ZNF75D: variants seen among roughly 807,000 people sequenced by gnomAD.
The protein encoded by ZNF75D is zinc finger protein 75D.
A neutral mutation model predicts 33.3 loss-of-function variants in ZNF75D; 33 were observed. The observed-to-expected ratio is 0.99, with a 90% CI of 0.75 to 1.32. The LOEUF (loss-of-function observed/expected upper bound fraction) is 1.32. Ranked by LOEUF, ZNF75D falls within the 40% of genes most tolerant of loss-of-function variation. The probability of loss-of-function intolerance (pLI) is 0.00; values close to 1 mark genes in which losing one functional copy is unlikely to be tolerated. For missense variants in ZNF75D, 338 were observed against 367.5 expected, an observed-to-expected ratio of 0.92 and a Z score of 0.66; for synonymous variants, 113 against 130.6, an observed-to-expected ratio of 0.87 and a Z score of 0.92.
chrX:135,328,189 A>C (rs953907165), intron 1 of ZNF75D, among the ~76,000 whole-genome samples: 3 of 110,941 alleles, frequency 2.7e-5, no homozygotes, highest in African/African-American at 9.9e-5. Flanking sequence ...CTGGCTCCCC[A>C]CTCAGTCTCA....
chrX:135,295,894 G>T lies in ZNF75D; in HGVS notation c.-245C>A, dbSNP rs1339652051. The T allele has an allele frequency of 9.0e-6, 1 of 111,419 alleles. No homozygotes were observed. Among genetic ancestry groups the T allele is most frequent in the Non-Finnish European group, 1.9e-5 (1 of 53,049 alleles). 9.2% of individuals were successfully genotyped at this position (111,419 alleles called of 1,213,427 possible). A position where few individuals can be genotyped will look rare whatever the true frequency, so the allele number is the denominator to read the frequency against. ...AGCTCTCCGCTGCTGCACCACTAGG[G>T]GAAGCGACGTCAGGAAAGCGCGGGA... On this transcript the variant is annotated 5_prime_UTR_variant, in exon 2 of 7. Transcript: ENST00000370766.
At chrX:135,283,950 C>A (rs1316722530), downstream of ZNF75D, among the ~76,000 whole-genome samples, 1 of 111,661 alleles carries the variant, frequency 9.0e-6, no homozygotes, top group East Asian at 2.8e-4. Context: ...GACTTCCAAT[C>A]TCAGTCCTCA....
chrX:135,321,264 G>C (rs782783232), intron 1 of ZNF75D, among the ~76,000 whole-genome samples: 6 of 111,988 alleles, frequency 5.4e-5, no homozygotes, highest in African/African-American at 9.7e-5. Context: ...CCTCCCAAAG[G>C]CCACACCACC....
intron 4 of ZNF75D, 129 bp from the exon 5 acceptor site, chrX:135,291,692 T>G: frequency 1.1e-6 from 1 of 929,441 alleles, no homozygotes; most frequent in Non-Finnish European, 1.5e-6. Flanking sequence ...GTGTGTGTGG[T>G]GCCAAGAAGT....
chrX:135,279,671 A>T (rs782300225), intron 1 of ZNF75D, among the ~76,000 whole-genome samples: 3 of 111,701 alleles, frequency 2.7e-5, no homozygotes, highest in African/African-American at 9.8e-5. Context: ...TGTCCCAGAG[A>T]TTCTGGTACA....
chrX:135,276,458 G>A (rs2083899530), intron 1 of ZNF75D, among the ~76,000 whole-genome samples: 1 of 111,543 alleles, frequency 9.0e-6, no homozygotes, highest in Non-Finnish European at 1.9e-5. Context: ...ACCCAGTAGT[G>A]GGACTGTTGG....
chrX:135,270,011 T>G (rs782299419), intron 1 of ZNF75D, among the ~76,000 whole-genome samples: 2 of 110,832 alleles, frequency 1.8e-5, no homozygotes, highest in South Asian at 3.9e-4. Flanking sequence ...GAACATCACA[T>G]GTTCTCATTT....
Position 135,297,326 on chromosome X carries a change from GC to G in ZNF75D, c.-390-1288del, listed in dbSNP as rs1556423292. 3.6e-5 allele frequency: 4 copies of G among 112,392 alleles called. No homozygotes were observed. In the East Asian group the frequency reaches 1.1e-3, roughly 31 times the overall value. 9.3% of individuals were successfully genotyped at this position (112,392 alleles called of 1,213,427 possible). On this transcript the variant is annotated intron_variant, in intron 1 of 6. Coordinates refer to ENST00000370766, the MANE Select transcript of ZNF75D (RefSeq NM_007131.5). The stretch of plus-strand genomic sequence containing the variant: ...CCAAAGGTGTGTAAAAGGACACAGT[GC>G]ATTATCTATGATATATAAACTTAGT...
rs1456774075 is a variant in ZNF75D, at chrX:135,287,316, C to G, written c.1354G>C (p.Asp452His). 4 of 1,210,309 alleles carry G rather than the reference C, an allele frequency of 3.3e-6. No individual in the cohort carries two copies. The African/African-American group carries it at 7.0e-5, about 21-fold the overall frequency. The change falls in exon 7 of 7, where the codon GAT (aspartate) becomes CAT (histidine). Residue 452 changes from aspartate to histidine, a missense_variant. Transcript: ENST00000370766. ...TGAATGAATCTTTTTCCACATTCATCACATTTAAAGGGCTTCTCTCCTGTG... is the reference window on the plus strand; with the variant it reads ...TGAATGAATCTTTTTCCACATTCATGACATTTAAAGGGCTTCTCTCCTGTG... ...IHTGEKPFKC[D>H]ECGKRFIQNS...
chrX:135,303,066 A>G (rs1602622047), intron 1 of ZNF75D, among the ~76,000 whole-genome samples: 1 of 111,183 alleles, frequency 9.0e-6, no homozygotes, highest in East Asian at 2.8e-4. Context: ...TATACACATA[A>G]ACATCTCAAT....
intron 1 of ZNF75D, among the ~76,000 whole-genome samples, chrX:135,329,686 A>T (rs1335766145): frequency 8.9e-6 from 1 of 112,275 alleles, no homozygotes; most frequent in Non-Finnish European, 1.9e-5. Flanking sequence ...GTTTGACAAA[A>T]ATGTAAGGTA....
At chrX:135,264,615 G>C (rs782611962) in intron 1 of ZNF75D, among the ~76,000 whole-genome samples, 3 of 111,815 alleles carry the variant, frequency 2.7e-5, no homozygotes, top group Admixed American at 1.9e-4. Flanking sequence ...AACATTAGCT[G>C]TTTTGAGAAA....
intron 1 of ZNF75D, among the ~76,000 whole-genome samples, chrX:135,266,269 C>T (rs2083862694): frequency 9.0e-6 from 1 of 111,551 alleles, no homozygotes; most frequent in African/African-American, 3.3e-5. Flanking sequence ...AAGTAAGTTC[C>T]TATTTATCAA....
intron 1 of ZNF75D, among the ~76,000 whole-genome samples, chrX:135,334,606 C>A (rs781906899): frequency 1.8e-5 from 2 of 111,043 alleles, no homozygotes; most frequent in Admixed American, 1.9e-4. Flanking sequence ...GACCCCCTCT[C>A]CCTCCATCTT....
chrX:135,265,012 A>G (rs1443751020), intron 1 of ZNF75D, among the ~76,000 whole-genome samples: 1 of 111,875 alleles, frequency 8.9e-6, no homozygotes, highest in African/African-American at 3.3e-5. Context: ...CGGGGTCAGA[A>G]GTTCGAGACC....
chrX:135,292,461 C>T lies in ZNF75D; in HGVS notation c.424G>A (p.Glu142Lys), dbSNP rs2084057558. Residue 142 changes from glutamate (E) to lysine (K), a missense_variant, in exon 4 of 7, where the codon GAG (glutamate) becomes AAG (lysine). By Grantham distance (56) the Glu-to-Lys change is moderately conservative. This residue lies in a region of ZNF75D where 254 missense variants were observed against 267.7 expected (regional missense o/e 0.95). Coordinates refer to ENST00000370766, the MANE Select transcript of ZNF75D (RefSeq NM_007131.5). ...DGTKNEVTAH[E>K]LGKEAVLLGG... ...AAGAGCACTGCCTCCTTTCCCAGCT[C>T]ATGGGCTGTGACCTAGAAATAATCC... The T allele has an allele frequency of 8.3e-7, 1 of 1,209,485 alleles. No individual in the cohort carries two copies.
At chrX:135,284,993 G>A (rs1057216026), downstream of ZNF75D, among the ~76,000 whole-genome samples, 1 of 111,680 alleles carries the variant, frequency 9.0e-6, no homozygotes, top group African/African-American at 3.3e-5. Flanking sequence ...TTCACACAAA[G>A]AGAATGGAGT....
At chrX:135,265,833 G>T (rs1271215074) in intron 1 of ZNF75D, among the ~76,000 whole-genome samples, 1 of 111,978 alleles carries the variant, frequency 8.9e-6, no homozygotes, top group Non-Finnish European at 1.9e-5. Context: ...CACCGTAATT[G>T]TGTTATGTAA....
chrX:135,284,159 C>T (rs1258816223), downstream of ZNF75D, among the ~76,000 whole-genome samples: 2 of 111,693 alleles, frequency 1.8e-5, no homozygotes, highest in Non-Finnish European at 3.8e-5. Context: ...TCACTCTGTC[C>T]CATGAATGAA....
Sources: gnomAD v4.1 joint callset for allele counts (sites outside exome capture counted in the v4.1 genomes callset) on GRCh38, gnomAD v4.1.1 for gene constraint, gnomAD v4.1.1 regional missense constraint, MANE v1.5 for transcripts, NCBI Gene and HGNC (gene_info 2026-07-23, HGNC 2026-07-21) for gene names.